The following RBM25 variants were observed in gnomAD, a reference collection of about 807,000 sequenced individuals.
The protein encoded by RBM25 is RNA binding motif protein 25.
Under a neutral mutation model 120.7 loss-of-function variants are expected in RBM25, and 19 were observed. The observed-to-expected ratio is 0.16, with a 90% CI of 0.11 to 0.23. RBM25 has a LOEUF of 0.23. RBM25 is among the 10% of genes least tolerant of loss of function. The pLI is 1.00. For synonymous variants in RBM25, 390 were observed against 326.7 expected (o/e 1.19, Z -2.09); for missense variants, 605 against 1,041.5 (o/e 0.58, Z 5.77).
In RBM25 at chr14:73,111,124, T is replaced by C. The variant is rs760892969; in HGVS notation, c.1986T>C (p.His662=). The part of the protein sequence containing the change: ...NSPDQQQPEE[H]RPKIGLSLKL... Reference sequence around the variant, plus strand: ...CAGATCAACAGCAACCTGAGGAGCATAGGCCAAAAATAGGACTAAGTCTTA... The same window carrying C: ...CAGATCAACAGCAACCTGAGGAGCACAGGCCAAAAATAGGACTAAGTCTTA... Residue 662 remains histidine (H), a synonymous_variant, in exon 15 of 19, where the codon CAT becomes CAC. Coordinates refer to ENST00000261973, the MANE Select transcript of RBM25 (RefSeq NM_021239.3). 1 of 1,613,392 alleles carries C rather than the reference T, an allele frequency of 6.2e-7. No individual in the cohort carries two copies. Among genetic ancestry groups the C allele is most frequent in the Admixed American group, 1.7e-5 (1 of 59,966 alleles).
chr14:73,115,052 T>TA (rs1237097500), intron 18 of RBM25, among the ~76,000 whole-genome samples: 1 of 152,098 alleles, frequency 6.6e-6, no homozygotes, highest in Non-Finnish European at 1.5e-5. Context: ...TTGTTTGAAT[T>TA]AGATATGTAG....
At chr14:73,090,348 G>T (rs1446657187) in intron 6 of RBM25, among the ~76,000 whole-genome samples, 2 of 152,102 alleles carry the variant, frequency 1.3e-5, no homozygotes, top group Non-Finnish European at 2.9e-5. Context: ...ACCGTGCCCG[G>T]CCATAAAGTC....
intron 4 of RBM25, among the ~76,000 whole-genome samples, chr14:73,083,256 G>A (rs1011756298): frequency 1.3e-5 from 2 of 152,080 alleles, no homozygotes; most frequent in African/African-American, 4.8e-5. Flanking sequence ...TTAATAAAAG[G>A]TAAACAATGT....
chr14:73,104,878 C>A (rs1896146658), intron 10 of RBM25, among the ~76,000 whole-genome samples: 1 of 152,096 alleles, frequency 6.6e-6, no homozygotes, highest in African/African-American at 2.4e-5. Flanking sequence ...GTTGCTAGAA[C>A]TGGAAACCCA....
At chr14:73,102,390 A>C (rs1039512414) in intron 9 of RBM25, 1 of 152,234 alleles carries the variant, frequency 6.6e-6, no homozygotes, top group Non-Finnish European at 1.5e-5. Context: ...AGGTTAATCC[A>C]GTGTTGGCGA....
Position 73,110,573 on chromosome 14 carries a change from C to T in RBM25, c.1693-258C>T, listed in dbSNP as rs1043953746. 2.0e-5 allele frequency among the ~76,000 whole-genome samples: 3 copies of T among 151,926 alleles called. No homozygotes were observed. In the East Asian group the frequency reaches 5.8e-4, roughly 29 times the overall value. On this transcript the variant is annotated intron_variant, in intron 14 of 18. Transcript: ENST00000261973. ...CCTCCTGAGTAGCTGGGATTACAGG[C>T]GTGCACCACCACACCTGGCTAATTT...
intron 5 of RBM25, among the ~76,000 whole-genome samples, chr14:73,087,548 A>C (rs995921403): frequency 6.6e-6 from 1 of 152,028 alleles, no homozygotes; most frequent in African/African-American, 2.4e-5. Flanking sequence ...GGCGCCCGCC[A>C]CCGCGCCCGG....
At chr14:73,113,989 T>C (rs1278162470) in intron 17 of RBM25, among the ~76,000 whole-genome samples, 1 of 152,114 alleles carries the variant, frequency 6.6e-6, no homozygotes, top group African/African-American at 2.4e-5. Context: ...TAGTGCTCTT[T>C]TGATATTATG....
intron 6 of RBM25, among the ~76,000 whole-genome samples, chr14:73,090,348 G>A (rs1446657187): frequency 6.6e-6 from 1 of 152,102 alleles, no homozygotes; most frequent in African/African-American, 2.4e-5. Flanking sequence ...ACCGTGCCCG[G>A]CCATAAAGTC....
chr14:73,115,980 C>G (rs1054978415), intron 18 of RBM25, among the ~76,000 whole-genome samples: 2 of 151,980 alleles, frequency 1.3e-5, no homozygotes, highest in Non-Finnish European at 2.9e-5. Flanking sequence ...TGCCAGAGCA[C>G]TCATTTAAGT....
Position 73,071,752 on chromosome 14 carries a change from G to A in RBM25, c.106+5G>A. 1 of 1,597,654 alleles carries A rather than the reference G, an allele frequency of 6.3e-7. No individual in the cohort carries two copies. Among genetic ancestry groups the A allele is most frequent in the Non-Finnish European group, 8.6e-7 (1 of 1,165,346 alleles). ...TTCCTCCACCTGTACCTCCAGGTAAGTTTGTTGATACTGTTTTTTGTCGTT... is the reference window on the plus strand; with the variant it reads ...TTCCTCCACCTGTACCTCCAGGTAAATTTGTTGATACTGTTTTTTGTCGTT... On this transcript the variant is annotated splice_donor_5th_base_variant and intron_variant, in intron 2 of 18. Transcript: ENST00000261973.
intron 6 of RBM25, among the ~76,000 whole-genome samples, chr14:73,095,177 G>C (rs1319610228): frequency 6.6e-6 from 1 of 152,060 alleles, no homozygotes; most frequent in East Asian, 1.9e-4. Context: ...GTAATAACAT[G>C]TAATGCCTTA....
intron 17 of RBM25, among the ~76,000 whole-genome samples, chr14:73,112,703 A>G (rs1896336756): frequency 6.6e-6 from 1 of 152,136 alleles, no homozygotes; most frequent in Non-Finnish European, 1.5e-5. Flanking sequence ...AGTTCCTTTC[A>G]TATCGTAGTA....
At chr14:73,059,477 C>G (rs751446970) in intron 1 of RBM25, 3 of 152,130 alleles carry the variant, frequency 2.0e-5, no homozygotes, top group Admixed American at 2.0e-4. Flanking sequence ...AGACGTAGGA[C>G]TATGAAGATT....
chr14:73,092,987 C>G (rs931678552), intron 6 of RBM25, among the ~76,000 whole-genome samples: 23 of 152,100 alleles, frequency 1.5e-4, no homozygotes, highest in Non-Finnish European at 1.5e-5. Context: ...CTTTCCATTT[C>G]TTATTGACCT....
intron 5 of RBM25, 30 bp from the exon 6 acceptor site, chr14:73,087,971 A>AT (rs1462667821): frequency 1.3e-5 from 20 of 1,589,744 alleles, no homozygotes; most frequent in Non-Finnish European, 1.6e-5. Flanking sequence ...GTGAATTGGT[A>AT]TTTCACTAAT....
chr14:73,109,186 C>A, intron 13 of RBM25, 156 bp from the exon 14 acceptor site: 1 of 696,872 alleles, frequency 1.4e-6, no homozygotes, highest in Non-Finnish European at 2.4e-6. Flanking sequence ...GTAGAGAGCA[C>A]ACTCTGGTGT....
chr14:73,069,978 T>C (rs1895242932), intron 1 of RBM25: 1 of 151,882 alleles, frequency 6.6e-6, no homozygotes, highest in Admixed American at 6.6e-5. Context: ...AAAATGCTAA[T>C]GTTTAAATAT....
chr14:73,081,989 G>T (rs759473569), intron 4 of RBM25, among the ~76,000 whole-genome samples: 1 of 152,114 alleles, frequency 6.6e-6, no homozygotes, highest in Non-Finnish European at 1.5e-5. Context: ...GGGCCATTTC[G>T]TTCTGGAGCC....
Sources: allele counts gnomAD v4.1 joint callset (sites outside exome capture counted in the v4.1 genomes callset), GRCh38; gene constraint gnomAD v4.1.1; transcripts MANE v1.5; gene names NCBI Gene and HGNC (gene_info 2026-07-23, HGNC 2026-07-21).